The following ARGFX variants were observed in gnomAD, a reference collection of about 807,000 sequenced individuals.
ARGFX encodes the protein arginine-fifty homeobox.
In ARGFX, 10 loss-of-function variants were observed where a neutral mutation model predicts 8.0. That is an observed-to-expected ratio of 1.25 (90% CI 0.77 to 2.12). ARGFX has a LOEUF of 2.12. Among genes scored for constraint, ARGFX ranks in the 30% most tolerant of loss-of-function variants. ARGFX has a pLI of 0.00. For missense variants in ARGFX, 282 were observed against 324.3 expected (o/e 0.87, Z 1.00); for synonymous variants, 116 against 117.8 (o/e 0.98, Z 0.10).
intron 1 of ARGFX, among the ~76,000 whole-genome samples, chr3:121,569,152 G>A (rs1297105725): frequency 2.6e-5 from 4 of 152,178 alleles, no homozygotes; most frequent in Admixed American, 6.6e-5. Context: ...GGGCTTAATG[G>A]AAGATGGCAG....
intron 4 of ARGFX, 87 bp from the exon 5 acceptor site, chr3:121,585,935 T>C: frequency 7.7e-7 from 1 of 1,298,400 alleles, no homozygotes. Flanking sequence ...ACATGAAGAT[T>C]ATAACCTGGC....
chr3:121,584,643 G>A (rs2048800709), intron 3 of ARGFX, among the ~76,000 whole-genome samples: 1 of 152,176 alleles, frequency 6.6e-6, no homozygotes, highest in Non-Finnish European at 1.5e-5. Flanking sequence ...CCAGTTTCCA[G>A]AGTGAACAGA....
intron 3 of ARGFX, among the ~76,000 whole-genome samples, chr3:121,577,255 A>ATTTTTTT (rs1328015610): frequency 3.6e-5 from 2 of 56,150 alleles, no homozygotes; most frequent in African/African-American, 1.6e-4. Flanking sequence ...ATATATATAT[A>ATTTTTTT]TATATTTTTT....
Position 121,586,647 on chromosome 3 carries a change from C to A in ARGFX, c.*47C>A. 3.4e-6 allele frequency: 5 copies of A among 1,460,662 alleles called. No homozygotes were observed. Among genetic ancestry groups the A allele is most frequent in the South Asian group, 2.6e-5 (2 of 76,966 alleles). The allele number at this position is 1,460,662 out of a possible 1,614,324, so 90.5% of individuals were successfully genotyped here. A position where few individuals can be genotyped will look rare whatever the true frequency, so the allele number is the denominator to read the frequency against. ...ATCATTTAGAAAAGTGGTCTTCTTG[C>A]CTCTTGTACATGACTGTTTTTTTCC... On this transcript the variant is annotated 3_prime_UTR_variant, in exon 5 of 5. Transcript: ENST00000334384.
chr3:121,577,136 A>G (rs1576442067), intron 3 of ARGFX, among the ~76,000 whole-genome samples: 1 of 138,094 alleles, frequency 7.2e-6, no homozygotes, highest in South Asian at 2.2e-4. Context: ...TACTCTCTAT[A>G]TATTCATAAA....
At chr3:121,574,002 A>C (rs2048723358) in intron 2 of ARGFX, among the ~76,000 whole-genome samples, 1 of 152,196 alleles carries the variant, frequency 6.6e-6, no homozygotes, top group Non-Finnish European at 1.5e-5. Context: ...GACAACTATC[A>C]AAGAAACAGA....
At chr3:121,572,392 C>T (rs1020968217) in intron 2 of ARGFX, among the ~76,000 whole-genome samples, 1 of 151,872 alleles carries the variant, frequency 6.6e-6, no homozygotes, top group Non-Finnish European at 1.5e-5. Flanking sequence ...CAGGCAGGCG[C>T]TACCACACCC....
At chr3:121,569,190 T>C (rs2048691995) in intron 1 of ARGFX, among the ~76,000 whole-genome samples, 1 of 152,170 alleles carries the variant, frequency 6.6e-6, no homozygotes, top group Admixed American at 6.6e-5. Context: ...GCAGTCACCT[T>C]TTCTGATGCA....
intron 2 of ARGFX, among the ~76,000 whole-genome samples, chr3:121,571,196 G>A (rs777667100): frequency 6.6e-6 from 1 of 152,096 alleles, no homozygotes; most frequent in Non-Finnish European, 1.5e-5. Flanking sequence ...GAGTAGTATT[G>A]TATACATGTA....
chr3:121,586,152 C>T lies in ARGFX; in HGVS notation c.500C>T (p.Ala167Val), dbSNP rs2048811568. The T allele has an allele frequency of 6.2e-7, 1 of 1,614,012 alleles. No individual in the cohort carries two copies. Among genetic ancestry groups the T allele is most frequent in the Non-Finnish European group, 8.5e-7 (1 of 1,179,984 alleles). Residue 167 changes from alanine to valine, a missense_variant, in exon 5 of 5, where the codon GCT becomes GTT. Coordinates refer to ENST00000334384, the MANE Select transcript of ARGFX (RefSeq NM_001012659.2). ...CCCAGAACATCCCCCAGTCCTTATG[C>T]TTTTTCTCCTGTGATTTCAGATTTC... ...TSPRTSPSPYAFSPVISDFYS... is the reference protein window; with the variant it reads ...TSPRTSPSPYVFSPVISDFYS...
intron 3 of ARGFX, among the ~76,000 whole-genome samples, chr3:121,584,576 T>C (rs2048800483): frequency 2.0e-5 from 3 of 152,242 alleles, no homozygotes; most frequent in Middle Eastern, 6.8e-3. Flanking sequence ...TACCAGAGAA[T>C]AAAAGTAAAA....
intron 3 of ARGFX, 51 bp downstream of exon 3, chr3:121,576,951 C>G: frequency 4.6e-6 from 1 of 217,998 alleles, no homozygotes; most frequent in Non-Finnish European, 9.5e-6. Flanking sequence ...ACCATGTGGT[C>G]CAGACTGTTC....
At chr3:121,569,765 G>A (rs2048696761) in intron 1 of ARGFX, among the ~76,000 whole-genome samples, 1 of 152,142 alleles carries the variant, frequency 6.6e-6, no homozygotes, top group Non-Finnish European at 1.5e-5. Flanking sequence ...TTTTACCCAT[G>A]CAGGATTTTG....
chr3:121,582,952 T>C (rs141979781), intron 3 of ARGFX, among the ~76,000 whole-genome samples: 2,574 of 152,004 alleles, frequency 0.017, 69 homozygotes, highest in African/African-American at 0.058. Context: ...GCAATTTTCC[T>C]GCCTTGGCCT....
intron 3 of ARGFX, among the ~76,000 whole-genome samples, chr3:121,577,341 C>T (rs2048749153): frequency 6.7e-6 from 1 of 149,002 alleles, no homozygotes; most frequent in African/African-American, 2.5e-5. Context: ...GCAACCTCCA[C>T]CTCCTGGGTT....
chr3:121,572,323 C>T (rs1228226959), intron 2 of ARGFX, among the ~76,000 whole-genome samples: 4 of 149,936 alleles, frequency 2.7e-5, no homozygotes, highest in Non-Finnish European at 5.9e-5. Context: ...ATCACTGCAA[C>T]CTACGCCTCC....
intron 2 of ARGFX, among the ~76,000 whole-genome samples, chr3:121,571,415 T>C (rs1396716573): frequency 6.6e-6 from 1 of 151,944 alleles, no homozygotes; most frequent in Non-Finnish European, 1.5e-5. Context: ...CCATTTACAA[T>C]AGCATCAAAA....
intron 2 of ARGFX, among the ~76,000 whole-genome samples, chr3:121,573,716 T>G (rs2048721225): frequency 1.3e-5 from 2 of 150,760 alleles, no homozygotes. Context: ...GGTGTGGTGG[T>G]GCATGCCTGT....
chr3:121,583,332 T>C (rs988826226), intron 3 of ARGFX, among the ~76,000 whole-genome samples: 3 of 152,048 alleles, frequency 2.0e-5, no homozygotes, highest in Non-Finnish European at 4.4e-5. Flanking sequence ...ACCTGGCTGA[T>C]AATTGCATTT....
Sources: allele counts gnomAD v4.1 joint callset (sites outside exome capture counted in the v4.1 genomes callset), GRCh38; gene constraint gnomAD v4.1.1; transcripts MANE v1.5; gene names NCBI Gene and HGNC (gene_info 2026-07-23, HGNC 2026-07-21).